The following ZNF600 variants were observed in gnomAD, a reference collection of about 807,000 sequenced individuals.
ZNF600 encodes the protein zinc finger protein 600.
ZNF600 carries 4 observed loss-of-function variants against 7.3 expected under a neutral mutation model. The ratio of observed to expected loss-of-function variants is 0.55; its 90% confidence interval spans 0.27 to 1.25. The LOEUF (loss-of-function observed/expected upper bound fraction) is 1.25. ZNF600 is among the 50% of genes most tolerant of loss of function. The pLI, the probability that ZNF600 is intolerant of heterozygous loss-of-function variation, is 0.12. For missense variants in ZNF600, 911 were observed against 922.1 expected (o/e 0.99, Z 0.16); for synonymous variants, 290 against 308.9 (o/e 0.94, Z 0.64).
upstream of ZNF600, among the ~76,000 whole-genome samples, chr19:52,790,497 AAAATAAAT>A (rs1257197036): frequency 6.6e-6 from 1 of 151,928 alleles, no homozygotes; most frequent in African/African-American, 2.4e-5. Flanking sequence ...ACTCCATTTC[AAAATAAAT>A]AAATAAATAA....
exon 3 of ZNF600, chr19:52,774,604 A>G (rs1344182506): frequency 1.0e-6 from 1 of 985,250 alleles, no homozygotes; most frequent in African/African-American, 1.7e-5. Context: ...GTAGTTCTCC[A>G]ACATCACTTC....
the ZNF600 span, among the ~76,000 whole-genome samples, chr19:52,824,240 C>T: frequency 6.6e-6 from 1 of 152,102 alleles, no homozygotes; most frequent in Admixed American, 6.6e-5. Context: ...GGAAATGCCT[C>T]CTCTTTAAGT....
chr19:52,766,559 T>C (rs1192598249), exon 4 of ZNF600: 2 of 1,612,896 alleles, frequency 1.2e-6, no homozygotes, highest in East Asian at 4.5e-5. Context: ...TTACCAGGTG[T>C]GAATTCCACG....
At chr19:52,812,077 G>A in the ZNF600 span, among the ~76,000 whole-genome samples, 19 of 89,084 alleles carry the variant, frequency 2.1e-4, no homozygotes, top group Middle Eastern at 8.2e-3. Flanking sequence ...GCCTCTGCCC[G>A]GCCGCCCCTA....
At chr19:52,809,919 G>A in the ZNF600 span, 17 of 849,304 alleles carry the variant, frequency 2.0e-5, no homozygotes, top group African/African-American at 1.3e-4. Flanking sequence ...GCCCGGGGCC[G>A]GTGGGGAGGC....
the ZNF600 span, among the ~76,000 whole-genome samples, chr19:52,817,091 G>C: frequency 6.6e-5 from 10 of 152,040 alleles, no homozygotes; most frequent in African/African-American, 9.7e-5. Context: ...TGAAGGAATA[G>C]GCCAGGAACG....
the ZNF600 span, among the ~76,000 whole-genome samples, chr19:52,796,019 A>G: frequency 3.8e-3 from 575 of 152,256 alleles, 3 homozygotes; most frequent in Non-Finnish European, 6.6e-3. Context: ...TACTAGGAAC[A>G]CAAAAATTTG....
the ZNF600 span, among the ~76,000 whole-genome samples, chr19:52,811,017 G>C: frequency 1.4e-5 from 2 of 146,450 alleles, no homozygotes; most frequent in African/African-American, 5.0e-5. Flanking sequence ...AGCCTGCCGA[G>C]TGCCTGCGAT....
the ZNF600 span, among the ~76,000 whole-genome samples, chr19:52,827,633 C>T: frequency 6.6e-6 from 1 of 151,858 alleles, no homozygotes; most frequent in Non-Finnish European, 1.5e-5. Context: ...CAAGTTCCGC[C>T]TCCCAGGTTC....
At chr19:52,785,460 G>A (rs576179476) in intron 1 of ZNF600, among the ~76,000 whole-genome samples, 1 of 151,834 alleles carries the variant, frequency 6.6e-6, no homozygotes, top group South Asian at 2.1e-4. Flanking sequence ...TGTTGATCAG[G>A]CTGGTCTCGA....
chr19:52,815,461 G>A, the ZNF600 span, among the ~76,000 whole-genome samples: 4 of 145,684 alleles, frequency 2.7e-5, no homozygotes, highest in African/African-American at 1.1e-4. Context: ...AGGTTGCAGT[G>A]AGCCGAGATC....
chr19:52,793,806 AC>A, the ZNF600 span, among the ~76,000 whole-genome samples: 2 of 110,956 alleles, frequency 1.8e-5, no homozygotes, highest in Non-Finnish European at 3.8e-5. Context: ...ACACACACAC[AC>A]ACACACACAC....
At chr19:52,781,687 T>C (rs150001278) in intron 1 of ZNF600, among the ~76,000 whole-genome samples, 2 of 151,468 alleles carry the variant, frequency 1.3e-5, no homozygotes, top group Non-Finnish European at 2.9e-5. Flanking sequence ...CACTTGAGCC[T>C]GGGAGGCAGA....
the ZNF600 span, among the ~76,000 whole-genome samples, chr19:52,811,698 A>G: frequency 2.3e-4 from 30 of 132,156 alleles, 1 homozygote; most frequent in African/African-American, 4.9e-4. Flanking sequence ...CCGTCCGGCA[A>G]CCACCCCGTC....
At chr19:52,829,082 T>C in the ZNF600 span, among the ~76,000 whole-genome samples, 1 of 152,096 alleles carries the variant, frequency 6.6e-6, no homozygotes, top group Non-Finnish European at 1.5e-5. Context: ...GCCAGGATGG[T>C]CTTCATCTCC....
chr19:52,784,682 C>G (rs2062749819), intron 1 of ZNF600, among the ~76,000 whole-genome samples: 1 of 152,194 alleles, frequency 6.6e-6, no homozygotes, highest in Non-Finnish European at 1.5e-5. Context: ...CATGTCACAA[C>G]TAATCATATC....
the ZNF600 span, chr19:52,807,856 G>T: frequency 8.1e-7 from 1 of 1,236,972 alleles, no homozygotes; most frequent in East Asian, 2.4e-5. Context: ...AAACAAAGGG[G>T]ACAGTGAAAG....
chr19:52,767,128 T>C, exon 4 of ZNF600: 1 of 1,613,880 alleles, frequency 6.2e-7, no homozygotes, highest in Non-Finnish European at 8.5e-7. Flanking sequence ...GTGTGACATC[T>C]ACAATGGCAT....
the ZNF600 span, among the ~76,000 whole-genome samples, chr19:52,803,043 G>A: frequency 2.0e-5 from 3 of 151,662 alleles, no homozygotes; most frequent in African/African-American, 7.3e-5. Flanking sequence ...TTATAGGCAT[G>A]AGCCACCGCA....
Sources: gnomAD v4.1 joint callset for allele counts (sites outside exome capture counted in the v4.1 genomes callset) on GRCh38, gnomAD v4.1.1 for gene constraint, MANE v1.5 for transcripts, NCBI Gene and HGNC (gene_info 2026-07-23, HGNC 2026-07-21) for gene names.